The following CADM4 variants were observed in gnomAD, a reference collection of about 807,000 sequenced individuals.
The protein encoded by CADM4 is TSLC1-like 2.
In CADM4, 13 loss-of-function variants were observed where a neutral mutation model predicts 43.9. The ratio of observed to expected loss-of-function variants is 0.30; its 90% CI spans 0.19 to 0.47. The LOEUF is 0.47. CADM4 is among the 20% of genes least tolerant of loss of function. CADM4 has a pLI of 1.00. For missense variants in CADM4, 420 were observed against 527.0 expected (o/e 0.80, Z 1.99); for synonymous variants, 209 against 220.9 (o/e 0.95, Z 0.48).
chr19:43,638,082 G>A (rs1052730249), intron 1 of CADM4, among the ~76,000 whole-genome samples: 2 of 152,204 alleles, frequency 1.3e-5, no homozygotes, highest in Admixed American at 6.5e-5. Context: ...TGGCATGTCT[G>A]TTGTAAAGAA....
intron 1 of CADM4, among the ~76,000 whole-genome samples, chr19:43,633,915 T>C (rs1454867642): frequency 6.6e-6 from 1 of 151,890 alleles, no homozygotes; most frequent in Non-Finnish European, 1.5e-5. Flanking sequence ...AGGTTGGTCT[T>C]GAACTCCTAG....
chr19:43,640,009 A>G (rs1412465242), upstream of CADM4, among the ~76,000 whole-genome samples: 3 of 134,144 alleles, frequency 2.2e-5, no homozygotes, highest in Admixed American at 7.3e-5. Flanking sequence ...AAAGCTGGAG[A>G]GGAGAGGGGT....
chr19:43,626,856 G>A lies in CADM4; in HGVS notation c.427C>T (p.Leu143Phe). 1.2e-6 allele frequency: 2 copies of A among 1,610,816 alleles called. No homozygotes were observed. The highest frequency in any genetic ancestry group is 1.7e-6 in the Non-Finnish European group (2 of 1,179,166). ...EQAVEGGEVE[L>F]SCLVPRSRPA... ...CGGGACCGCGGAACGAGGCAGCTGA[G>A]CTCCACCTCGCCGCCCTCTACCGCC... The change falls in exon 4 of 9, where the codon CTC becomes TTC. Residue 143 changes from leucine (L) to phenylalanine (F), a missense_variant. By Grantham distance (22) the Leu-to-Phe change is conservative. Coordinates refer to ENST00000222374, the MANE Select transcript of CADM4 (RefSeq NM_145296.2). The surrounding 1 kb of genome is among the most constrained non-coding windows in gnomAD (Gnocchi z 5.9).
chr19:43,641,975 A>T (rs1430305153), upstream of CADM4, among the ~76,000 whole-genome samples: 3 of 152,062 alleles, frequency 2.0e-5, no homozygotes, highest in African/African-American at 7.2e-5. Flanking sequence ...GTCATCCTTA[A>T]GTCCCACCAT....
In CADM4 at chr19:43,624,257, C is replaced by A. The variant is rs1973487484; in HGVS notation, c.929-15G>T. The A allele has an allele frequency of 6.2e-7, 1 of 1,614,114 alleles. No homozygotes were observed. The highest frequency in any genetic ancestry group is 1.7e-5 in the Admixed American group (1 of 60,030). ...CGCACCAGGGTCTGCCAGAGGGACA[C>A]GGCACAGGACCAGGTCATCAGAGGA... is the stretch of plus-strand genomic sequence containing the variant. On this transcript the variant is annotated splice_polypyrimidine_tract_variant and intron_variant, in intron 7 of 8. Transcript: ENST00000222374.
Position 43,622,586 on chromosome 19 carries a change from G to A in CADM4, c.*744C>T, listed in dbSNP as rs433226. 99,402 of 152,380 alleles carry A rather than the reference G, an allele frequency of 0.65. 34,159 individuals are homozygous for A. The highest frequency in any genetic ancestry group is 0.88 in the African/African-American group (36,338 of 41,502). The allele number at this position is 152,380 out of a possible 1,614,324, so 9.4% of individuals were successfully genotyped here. ...TTTAATATATTATATATAAAACCATGAAGACCACGAATCCTCCCCAAACTC... is the reference window on the plus strand; with the variant it reads ...TTTAATATATTATATATAAAACCATAAAGACCACGAATCCTCCCCAAACTC... On this transcript the variant is annotated 3_prime_UTR_variant, in exon 9 of 9. Coordinates refer to ENST00000222374, the MANE Select transcript of CADM4 (RefSeq NM_145296.2).
intron 1 of CADM4, among the ~76,000 whole-genome samples, chr19:43,637,830 G>A (rs181758078): frequency 3.5e-4 from 53 of 152,190 alleles, no homozygotes; most frequent in South Asian, 6.2e-4. Context: ...TTTTTAAGAC[G>A]TCAAGATGCT....
chr19:43,623,285 G>C lies in CADM4; in HGVS notation c.*45C>G, dbSNP rs776259720. 1.4e-6 allele frequency: 2 copies of C among 1,452,682 alleles called. 1 individual carries two copies. The highest frequency in any genetic ancestry group is 1.9e-6 in the Non-Finnish European group (2 of 1,036,406). The allele number at this position is 1,452,682 out of a possible 1,614,324, so 90.0% of individuals were successfully genotyped here. ...GGTTCCTTGCAGCTGGCAGTGGGGG[G>C]GACCCCAGCCCAGGCCCAGGCCTAG... On this transcript the variant is annotated 3_prime_UTR_variant, in exon 9 of 9. Coordinates refer to ENST00000222374, the MANE Select transcript of CADM4 (RefSeq NM_145296.2). The surrounding 1 kb of genome is among the most constrained non-coding windows in gnomAD (Gnocchi z 4.4).
chr19:43,634,885 G>C (rs1383110115), intron 1 of CADM4, among the ~76,000 whole-genome samples: 2 of 151,462 alleles, frequency 1.3e-5, no homozygotes, highest in African/African-American at 4.9e-5. Context: ...TTCCGCCTTA[G>C]ACCCAGGAAT....
Position 43,627,070 on chromosome 19 carries a change from G to A in CADM4, c.364+96C>T. 2.7e-6 allele frequency: 4 copies of A among 1,491,534 alleles called. No individual in the cohort carries two copies. Among genetic ancestry groups the A allele is most frequent in the Middle Eastern group, 1.8e-4 (1 of 5,518 alleles). 92.4% of individuals were successfully genotyped at this position (1,491,534 alleles called of 1,614,324 possible). ...GGTCAGGAGCCAGATGCCCATCCAGGATGTTAAAAATAGCCATGGTCTGAA... is the reference window on the plus strand; with the variant it reads ...GGTCAGGAGCCAGATGCCCATCCAGAATGTTAAAAATAGCCATGGTCTGAA... On this transcript the variant is annotated intron_variant, in intron 3 of 8. Coordinates refer to ENST00000222374, the MANE Select transcript of CADM4 (RefSeq NM_145296.2). The surrounding 1 kb of genome is among the most constrained non-coding windows in gnomAD (Gnocchi z 4.0).
chr19:43,637,017 T>C (rs1973714140), intron 1 of CADM4, among the ~76,000 whole-genome samples: 1 of 152,112 alleles, frequency 6.6e-6, no homozygotes, highest in African/African-American at 2.4e-5. Flanking sequence ...ATCTGTTTCC[T>C]CTCCTCCTTT....
rs1973515561 is a variant in CADM4, at chr19:43,625,807, C to G, written c.755+104G>C. 2 of 942,626 alleles carry G rather than the reference C, an allele frequency of 2.1e-6. No individual in the cohort carries two copies. The highest frequency in any genetic ancestry group is 4.9e-5 in the East Asian group (2 of 40,856). The allele number at this position is 942,626 out of a possible 1,614,324, so 58.4% of individuals were successfully genotyped here. On this transcript the variant is annotated intron_variant, in intron 6 of 8. Transcript: ENST00000222374. This position sits in a 1 kb window ranked among gnomAD's most constrained non-coding sequence, Gnocchi z 4.5. ...CTAGCTCCCTGTTTGTCCAGGTCCT[C>G]AGCTCTCTCCTCCTTAGGACCCAGG...
At chr19:43,634,409 C>T (rs1301373028) in intron 1 of CADM4, among the ~76,000 whole-genome samples, 1 of 152,190 alleles carries the variant, frequency 6.6e-6, no homozygotes, top group African/African-American at 2.4e-5. Flanking sequence ...AGTGGCAAAA[C>T]TCACCATCTC....
chr19:43,633,230 C>A (rs931446223), intron 1 of CADM4, among the ~76,000 whole-genome samples: 1 of 152,030 alleles, frequency 6.6e-6, no homozygotes, highest in Non-Finnish European at 1.5e-5. Context: ...CCTCCCACCA[C>A]ACCTGGCTAA....
Position 43,623,989 on chromosome 19 carries a change from C to A in CADM4, c.1057+125G>T. On this transcript the variant is annotated intron_variant, in intron 8 of 8. Coordinates refer to ENST00000222374, the MANE Select transcript of CADM4 (RefSeq NM_145296.2). The surrounding 1 kb of genome is among the most constrained non-coding windows in gnomAD (Gnocchi z 4.4). Reference sequence around the variant, plus strand: ...CCCGCCCCCTTTGTCATCTCCGCCCCCGGTGCGGCGGGATTTGGAATCCAG... The same window carrying A: ...CCCGCCCCCTTTGTCATCTCCGCCCACGGTGCGGCGGGATTTGGAATCCAG... 8.1e-7 allele frequency: 1 copy of A among 1,229,284 alleles called. No homozygotes were observed. The allele number at this position is 1,229,284 out of a possible 1,614,324, so 76.1% of individuals were successfully genotyped here. A position where few individuals can be genotyped will look rare whatever the true frequency, so the allele number is the denominator to read the frequency against.
intron 1 of CADM4, among the ~76,000 whole-genome samples, chr19:43,636,720 G>C (rs1379673358): frequency 7.9e-6 from 1 of 126,792 alleles, no homozygotes; most frequent in African/African-American, 3.0e-5. Context: ...TAAGGTCTTG[G>C]AATCCACTGC....
intron 1 of CADM4, among the ~76,000 whole-genome samples, chr19:43,637,831 T>C (rs1973723029): frequency 6.6e-6 from 1 of 152,278 alleles, no homozygotes; most frequent in African/African-American, 2.4e-5. Context: ...TTTTAAGACG[T>C]CAAGATGCTA....
rs556585584 is a variant in CADM4 at position 43,627,340 on chromosome 19, G to A, written c.212-22C>T. 5.8e-6 allele frequency: 9 copies of A among 1,547,062 alleles called. No homozygotes were observed. The highest frequency in any genetic ancestry group is 2.7e-5 in the African/African-American group (2 of 73,148). On this transcript the variant is annotated intron_variant, in intron 2 of 8. Coordinates refer to ENST00000222374, the MANE Select transcript of CADM4 (RefSeq NM_145296.2). This position sits in a 1 kb window ranked among gnomAD's most constrained non-coding sequence, Gnocchi z 4.0. ...AAGGCTAGAGAGAGTGAGGGGGAAGGTGTGAATTTCGGGAGTCCTGGCCTC... is the reference window on the plus strand; with the variant it reads ...AAGGCTAGAGAGAGTGAGGGGGAAGATGTGAATTTCGGGAGTCCTGGCCTC...
Position 43,623,256 on chromosome 19 carries a change from T to C in CADM4, c.*74A>G. ...CATCCCAGACTCTGGTAAATGTCTT[T>C]GCTGGTTCCTTGCAGCTGGCAGTGG... On this transcript the variant is annotated 3_prime_UTR_variant, in exon 9 of 9. Coordinates refer to ENST00000222374, the MANE Select transcript of CADM4 (RefSeq NM_145296.2). The surrounding 1 kb of genome is among the most constrained non-coding windows in gnomAD (Gnocchi z 4.4). 9.5e-7 allele frequency: 1 copy of C among 1,050,688 alleles called. No homozygotes were observed. The allele number at this position is 1,050,688 out of a possible 1,614,324, so 65.1% of individuals were successfully genotyped here.
Sources: gnomAD v4.1 joint callset for allele counts (sites outside exome capture counted in the v4.1 genomes callset) on GRCh38, gnomAD v4.1.1 for gene constraint, Gnocchi (gnomAD v3.1) non-coding constraint, MANE v1.5 for transcripts, NCBI Gene and HGNC (gene_info 2026-07-23, HGNC 2026-07-21) for gene names.